SLC6A2: variants seen among roughly 807,000 people sequenced by gnomAD.
SLC6A2 encodes the protein solute carrier family 6 member 2.
In SLC6A2, 26 loss-of-function variants were observed where a neutral mutation model predicts 71.7. That is an observed-to-expected ratio of 0.36 (90% CI 0.27 to 0.50). The LOEUF (loss-of-function observed/expected upper bound fraction) is 0.50. Among genes scored for constraint, SLC6A2 ranks in the 20% least tolerant of loss-of-function variants. SLC6A2 has a pLI of 0.96. For missense variants in SLC6A2, 581 were observed against 803.9 expected (o/e 0.72, Z 3.35); for synonymous variants, 363 against 337.9 (o/e 1.07, Z -0.82).
At chr16:55,672,857 T>TAA (rs1964967069) in intron 4 of SLC6A2, among the ~76,000 whole-genome samples, 1 of 152,156 alleles carries the variant, frequency 6.6e-6, no homozygotes, top group Non-Finnish European at 1.5e-5. Context: ...GAATATCATT[T>TAA]TAAAAAAGAA....
At chr16:55,690,459 C>T (rs1965581408) in intron 5 of SLC6A2, among the ~76,000 whole-genome samples, 1 of 152,158 alleles carries the variant, frequency 6.6e-6, no homozygotes, top group South Asian at 2.1e-4. Flanking sequence ...TCAAGGTTTC[C>T]ACTTTCCCCT....
chr16:55,680,084 G>T (rs1965222368), intron 4 of SLC6A2, among the ~76,000 whole-genome samples: 1 of 152,194 alleles, frequency 6.6e-6, no homozygotes, highest in South Asian at 2.1e-4. Flanking sequence ...CAGGGGCAAA[G>T]TTGCCTCCAG....
intron 5 of SLC6A2, among the ~76,000 whole-genome samples, chr16:55,691,692 C>T (rs1158636024): frequency 6.6e-6 from 1 of 152,182 alleles, no homozygotes; most frequent in African/African-American, 2.4e-5. Context: ...GACTCTCACC[C>T]TGGGTTCTGA....
intron 2 of SLC6A2, among the ~76,000 whole-genome samples, chr16:55,663,963 T>G (rs551699716): frequency 2.6e-5 from 4 of 152,272 alleles, no homozygotes; most frequent in African/African-American, 9.6e-5. Flanking sequence ...GAGAAGAATC[T>G]GAACAGACAG....
chr16:55,669,444 TCGC>T, intron 2 of SLC6A2, 118 bp from the exon 3 acceptor site: 4 of 937,812 alleles, frequency 4.3e-6, no homozygotes, highest in Non-Finnish European at 7.0e-6. Context: ...TTGCTGCGCG[TCGC>T]CTTTGGAAAC....
intron 2 of SLC6A2, among the ~76,000 whole-genome samples, chr16:55,664,520 C>T (rs142657682): frequency 6.6e-6 from 1 of 152,336 alleles, no homozygotes; most frequent in African/African-American, 2.4e-5. Context: ...CCCTCCACCA[C>T]ACAAGACAGC....
chr16:55,705,033 G>A lies in SLC6A2; in HGVS notation c.*2687G>A, dbSNP rs1194435820. 4 of 510,118 alleles carry A rather than the reference G, an allele frequency of 7.8e-6. No individual in the cohort carries two copies. The highest frequency in any genetic ancestry group is 3.5e-5 in the South Asian group (1 of 28,874). 31.6% of individuals were successfully genotyped at this position (510,118 alleles called of 1,614,324 possible). A position where few individuals can be genotyped will look rare whatever the true frequency, so the allele number is the denominator to read the frequency against. ...TCCTTTTTGTAGCTTGTTTTTAATA[G>A]CAGAGGTCACCCGGGACAAGGGTGC... On this transcript the variant is annotated 3_prime_UTR_variant, in exon 15 of 15. Transcript: ENST00000568943.
chr16:55,704,966 A>G lies in SLC6A2; in HGVS notation c.*2620A>G. On this transcript the variant is annotated 3_prime_UTR_variant, in exon 15 of 15. Coordinates refer to ENST00000568943, the MANE Select transcript of SLC6A2 (RefSeq NM_001172501.3). Reference sequence around the variant, plus strand: ...GGGTTTACCTTTCCACCCACATTTAATGGAGAGAGAGTATGGGCTTTATGT... The same window carrying G: ...GGGTTTACCTTTCCACCCACATTTAGTGGAGAGAGAGTATGGGCTTTATGT... The G allele has an allele frequency of 5.6e-6, 2 of 354,312 alleles. No individual in the cohort carries two copies. Among genetic ancestry groups the G allele is most frequent in the Non-Finnish European group, 5.1e-6 (1 of 197,954 alleles). 21.9% of individuals were successfully genotyped at this position (354,312 alleles called of 1,614,324 possible).
intron 2 of SLC6A2, among the ~76,000 whole-genome samples, chr16:55,660,649 T>C (rs1359467435): frequency 6.6e-6 from 1 of 151,398 alleles, no homozygotes; most frequent in African/African-American, 2.4e-5. Context: ...GTGTGTGATC[T>C]CGGGCATAGT....
At chr16:55,676,249 T>C (rs1214090324) in intron 4 of SLC6A2, among the ~76,000 whole-genome samples, 1 of 152,240 alleles carries the variant, frequency 6.6e-6, no homozygotes, top group East Asian at 1.9e-4. Context: ...CAGCATCTGC[T>C]GTAAGAAACC....
In SLC6A2 at chr16:55,705,196, C is replaced by T; in HGVS notation, c.*2850C>T. ...TCAATGTCTAGTTATTTAGCACCCA[C>T]CTTTTAGCTTTCATTCTAGATGAAA... On this transcript the variant is annotated 3_prime_UTR_variant, in exon 15 of 15. Transcript: ENST00000568943. 1 of 1,527,940 alleles carries T rather than the reference C, an allele frequency of 6.5e-7. No homozygotes were observed. The highest frequency in any genetic ancestry group is 8.8e-7 in the Non-Finnish European group (1 of 1,139,236). 94.6% of individuals were successfully genotyped at this position (1,527,940 alleles called of 1,614,324 possible). A position where few individuals can be genotyped will look rare whatever the true frequency, so the allele number is the denominator to read the frequency against.
At chr16:55,693,926 AG>A (rs1965715061) in intron 6 of SLC6A2, 83 bp from the exon 7 acceptor site, 2 of 915,494 alleles carry the variant, frequency 2.2e-6, no homozygotes, top group Non-Finnish European at 3.7e-6. Context: ...GAGCATCCCC[AG>A]GGTTTCTCAG....
intron 4 of SLC6A2, among the ~76,000 whole-genome samples, chr16:55,674,477 T>G (rs1174510750): frequency 6.6e-6 from 1 of 151,860 alleles, no homozygotes; most frequent in Non-Finnish European, 1.5e-5. Flanking sequence ...CAGGCTGGAG[T>G]GCAGTGGTGT....
At chr16:55,657,868 AG>A (rs1438143057) in intron 2 of SLC6A2, among the ~76,000 whole-genome samples, 4 of 152,196 alleles carry the variant, frequency 2.6e-5, no homozygotes, top group African/African-American at 9.6e-5. Context: ...TCTGGAAGTC[AG>A]GGTGCTGGCC....
chr16:55,672,214 A>C (rs1227543357), intron 4 of SLC6A2, 39 bp downstream of exon 4: 2 of 1,614,046 alleles, frequency 1.2e-6, no homozygotes, highest in Non-Finnish European at 1.7e-6. Flanking sequence ...TGTTGAGGCC[A>C]GTGCTTGGTA....
rs1484339849 is a variant in SLC6A2, at chr16:55,703,813, G to A, written c.*1467G>A. 2 of 985,246 alleles carry A rather than the reference G, an allele frequency of 2.0e-6. No homozygotes were observed. The highest frequency in any genetic ancestry group is 1.1e-4 in the East Asian group (1 of 8,808). The allele number at this position is 985,246 out of a possible 1,614,324, so 61.0% of individuals were successfully genotyped here. ...AGAAGGTGCTTTGCCTCAAATTGGG[G>A]TGTTGTTGAGCCTGGTGGTTCCTGC... is the stretch of plus-strand genomic sequence containing the variant. On this transcript the variant is annotated 3_prime_UTR_variant, in exon 15 of 15. Transcript: ENST00000568943.
In SLC6A2 at chr16:55,701,584, C is replaced by G. The variant is rs1965972290; in HGVS notation, c.1759-279C>G. 2.6e-5 allele frequency among the ~76,000 whole-genome samples: 4 copies of G among 152,186 alleles called. No homozygotes were observed. The South Asian group carries it at 8.3e-4, about 32-fold the overall frequency. Reference sequence around the variant, plus strand: ...TCCCTTACATGGGCGGTAAGCTCCCCCAAAGTAGAGACTGTGTGGGTCTCC... The same window carrying G: ...TCCCTTACATGGGCGGTAAGCTCCCGCAAAGTAGAGACTGTGTGGGTCTCC... On this transcript the variant is annotated intron_variant, in intron 13 of 14. Coordinates refer to ENST00000568943, the MANE Select transcript of SLC6A2 (RefSeq NM_001172501.3).
intron 4 of SLC6A2, among the ~76,000 whole-genome samples, chr16:55,684,243 G>A (rs1398013000): frequency 6.7e-6 from 1 of 149,682 alleles, no homozygotes; most frequent in Non-Finnish European, 1.5e-5. Context: ...TGAGTCTTCG[G>A]TGAGCCGTGA....
chr16:55,661,142 T>C (rs901465183), intron 2 of SLC6A2, among the ~76,000 whole-genome samples: 2 of 152,210 alleles, frequency 1.3e-5, no homozygotes, highest in Non-Finnish European at 2.9e-5. Flanking sequence ...GATCCTGGTC[T>C]GTGCTGATCC....
Sources: allele counts gnomAD v4.1 joint callset (sites outside exome capture counted in the v4.1 genomes callset), GRCh38; gene constraint gnomAD v4.1.1; transcripts MANE v1.5; gene names NCBI Gene and HGNC (gene_info 2026-07-23, HGNC 2026-07-21).